WDFY3: variants seen among roughly 807,000 people sequenced by gnomAD.
WDFY3 encodes the protein WD repeat and FYVE domain containing 3.
A neutral mutation model predicts 409.6 loss-of-function variants in WDFY3; 66 were observed. The ratio of observed to expected loss-of-function variants is 0.16; its 90% CI spans 0.13 to 0.20. The LOEUF (loss-of-function observed/expected upper bound fraction) is 0.20, where lower values mean the gene tolerates loss of function less well. Among genes scored for constraint, WDFY3 ranks in the 10% least tolerant of loss-of-function variants. The probability of loss-of-function intolerance (pLI) is 1.00; values close to 1 mark genes in which losing one functional copy is unlikely to be tolerated. For synonymous variants in WDFY3, 1,521 were observed against 1,537.1 expected (o/e 0.99, Z 0.25); for missense variants, 3,031 against 4,298.1 (o/e 0.71, Z 8.24).
At chr4:84,710,722 T>A (rs1732741691) in intron 51 of WDFY3, among the ~76,000 whole-genome samples, 1 of 152,216 alleles carries the variant, frequency 6.6e-6, no homozygotes, top group Admixed American at 6.5e-5. Context: ...CTGAGCTCTT[T>A]AAAGTTCTTT....
chr4:84,896,968 C>T lies in WDFY3; in HGVS notation c.-89G>A, dbSNP rs966096314. The T allele has an allele frequency of 3.9e-5, 6 of 152,102 alleles. No homozygotes were observed. Among genetic ancestry groups the T allele is most frequent in the African/African-American group, 7.2e-5 (3 of 41,412 alleles). 9.4% of individuals were successfully genotyped at this position (152,102 alleles called of 1,614,324 possible). ...ATGTGTGAGCACAATAGGGCCCATT[C>T]GCTTGAAGGTATTTTACTCAAAACT... On this transcript the variant is annotated 5_prime_UTR_variant, in exon 3 of 68. Transcript: ENST00000295888.
intron 51 of WDFY3, 57 bp downstream of exon 51, chr4:84,713,102 T>A: frequency 6.4e-7 from 1 of 1,566,426 alleles, no homozygotes; most frequent in South Asian, 1.1e-5. Context: ...ACTGTCCAGA[T>A]ATGAATCATC....
intron 2 of WDFY3, among the ~76,000 whole-genome samples, chr4:84,899,480 T>G (rs770959292): frequency 2.6e-5 from 4 of 152,250 alleles, no homozygotes; most frequent in Non-Finnish European, 5.9e-5. Context: ...TTATTTATTA[T>G]GTACTCATGA....
chr4:84,741,019 T>C (rs1738315654), intron 38 of WDFY3, among the ~76,000 whole-genome samples: 1 of 152,130 alleles, frequency 6.6e-6, no homozygotes, highest in Non-Finnish European at 1.5e-5. Flanking sequence ...AACCCTTAAT[T>C]AAAAGTACTG....
chr4:84,790,048 G>GA (rs998042672), intron 21 of WDFY3, 141 bp from the exon 22 acceptor site: 3,795 of 917,312 alleles, frequency 4.1e-3, no homozygotes, highest in Middle Eastern at 5.4e-3. Flanking sequence ...TACAACTCTG[G>GA]AAAAAAAAAT....
At chr4:84,778,453 A>G (rs769495506) in intron 27 of WDFY3, 50 bp downstream of exon 27, 1 of 1,444,850 alleles carries the variant, frequency 6.9e-7, no homozygotes, top group South Asian at 1.6e-5. Context: ...CATATGGAGT[A>G]AGAAATGCAT....
In WDFY3 at chr4:84,958,883, TGG is replaced by T. The variant is rs1263855178; in HGVS notation, c.-226+7324_-226+7325del. Among the ~76,000 whole-genome samples the T allele has an allele frequency of 2.0e-5, 3 of 152,326 alleles. No individual in the cohort carries two copies. In the East Asian group the frequency reaches 5.8e-4, roughly 29 times the overall value. ...CTTGGCTGCCTCAAATCTCTTCTAA[TGG>T]ACCTTTACAGAGAGGCCTTCTGATT... is the stretch of plus-strand genomic sequence containing the variant. On this transcript the variant is annotated intron_variant, in intron 1 of 67. Coordinates refer to ENST00000295888, the MANE Select transcript of WDFY3 (RefSeq NM_014991.6).
chr4:84,756,947 G>A lies in WDFY3; in HGVS notation c.5403C>T (p.Cys1801=). Residue 1801 remains cysteine, a synonymous_variant, in exon 33 of 68, where the codon TGC becomes TGT. Coordinates refer to ENST00000295888, the MANE Select transcript of WDFY3 (RefSeq NM_014991.6). ...CTACCTGGCAACCCTGCTTACTCCGGCAGCTGATGACAGGCACACTGACCT... is the reference window on the plus strand; with the variant it reads ...CTACCTGGCAACCCTGCTTACTCCGACAGCTGATGACAGGCACACTGACCT... ...NLQVSVPVIS[C]RSKQGCQFDL... The A allele has an allele frequency of 6.2e-7, 1 of 1,613,930 alleles. No homozygotes were observed. The highest frequency in any genetic ancestry group is 8.5e-7 in the Non-Finnish European group (1 of 1,179,904).
rs976309058 is a variant in WDFY3 at position 84,736,895 on chromosome 4, T to C, written c.6757+289A>G. Reference sequence around the variant, plus strand: ...GAATTTCAAAATTATAGTTAAGGGATTGTGGACCTGTAGCCAAGACAGTGA... The same window carrying C: ...GAATTTCAAAATTATAGTTAAGGGACTGTGGACCTGTAGCCAAGACAGTGA... On this transcript the variant is annotated intron_variant, in intron 41 of 67. Transcript: ENST00000295888. Among the ~76,000 whole-genome samples, 9 of 152,006 alleles carry C rather than the reference T, an allele frequency of 5.9e-5. No homozygotes were observed. In the South Asian group the frequency reaches 8.3e-4, roughly 14 times the overall value.
intron 8 of WDFY3, among the ~76,000 whole-genome samples, chr4:84,830,820 T>C (rs1755601140): frequency 6.6e-6 from 1 of 152,200 alleles, no homozygotes; most frequent in Admixed American, 6.5e-5. Flanking sequence ...GAGAGAAGAA[T>C]AGGCTGTGAC....
At chr4:84,952,275 T>C (rs1394501859) in intron 1 of WDFY3, among the ~76,000 whole-genome samples, 1 of 152,156 alleles carries the variant, frequency 6.6e-6, no homozygotes, top group Non-Finnish European at 1.5e-5. Flanking sequence ...CTCTGGTGAC[T>C]CAGATATAAA....
chr4:84,719,850 T>C (rs1734555249), intron 47 of WDFY3, among the ~76,000 whole-genome samples: 1 of 152,190 alleles, frequency 6.6e-6, no homozygotes, highest in South Asian at 2.1e-4. Context: ...TGGTGTACTT[T>C]TATAGTTACA....
intron 13 of WDFY3, among the ~76,000 whole-genome samples, chr4:84,816,644 T>A (rs1052498659): frequency 3.9e-5 from 6 of 152,144 alleles, no homozygotes; most frequent in Non-Finnish European, 8.8e-5. Flanking sequence ...CTTACTTGCA[T>A]TACTAAATTC....
At chr4:84,761,031 A>G (rs1742482258) in intron 32 of WDFY3, among the ~76,000 whole-genome samples, 1 of 151,844 alleles carries the variant, frequency 6.6e-6, no homozygotes, top group Admixed American at 6.6e-5. Flanking sequence ...GTTTCAAAGA[A>G]CATGTTTATT....
chr4:84,940,122 C>T (rs1771924512), intron 1 of WDFY3, among the ~76,000 whole-genome samples: 1 of 151,998 alleles, frequency 6.6e-6, no homozygotes, highest in Non-Finnish European at 1.5e-5. Flanking sequence ...ACCCTCACTC[C>T]AACAACCTCA....
chr4:84,754,364 T>C (rs2149315095), intron 34 of WDFY3, among the ~76,000 whole-genome samples: 1 of 152,356 alleles, frequency 6.6e-6, no homozygotes, highest in African/African-American at 2.4e-5. Flanking sequence ...TATCTTCTGA[T>C]ACCTGCCCAG....
At chr4:84,845,945 TA>T (rs1758024717) in intron 5 of WDFY3, among the ~76,000 whole-genome samples, 1 of 149,134 alleles carries the variant, frequency 6.7e-6, no homozygotes, top group Non-Finnish European at 1.5e-5. Flanking sequence ...CCAAAATCAG[TA>T]AAAATTTAGG....
chr4:84,682,154 G>A (rs1266687450), intron 64 of WDFY3, among the ~76,000 whole-genome samples: 1 of 152,176 alleles, frequency 6.6e-6, no homozygotes, highest in African/African-American at 2.4e-5. Flanking sequence ...ATGGAATGTG[G>A]AAGTTAACCA....
At chr4:84,735,934 T>C (rs1338275512) in intron 42 of WDFY3, among the ~76,000 whole-genome samples, 1 of 152,232 alleles carries the variant, frequency 6.6e-6, no homozygotes, top group Non-Finnish European at 1.5e-5. Flanking sequence ...AGTCTGATCA[T>C]ACATTAATCT....
Sources: allele counts gnomAD v4.1 joint callset (sites outside exome capture counted in the v4.1 genomes callset), GRCh38; gene constraint gnomAD v4.1.1; transcripts MANE v1.5; gene names NCBI Gene and HGNC (gene_info 2026-07-23, HGNC 2026-07-21).